Variants in GSTA5 observed in about 807,000 individuals in gnomAD.
GSTA5 encodes glutathione S-transferase alpha 5.
In GSTA5, 25 loss-of-function variants were observed where a neutral mutation model predicts 21.8. The observed-to-expected ratio is 1.14, with a 90% CI of 0.83 to 1.60. GSTA5 has a LOEUF of 1.60. Among genes scored for constraint, GSTA5 ranks in the 40% most tolerant of loss-of-function variants. The pLI, the probability that GSTA5 is intolerant of heterozygous loss-of-function variation, is 0.00. For missense variants in GSTA5, 330 were observed against 259.2 expected, an observed-to-expected ratio of 1.27 and a Z score of -1.88; for synonymous variants, 102 against 89.5, an observed-to-expected ratio of 1.14 and a Z score of -0.78.
At chr6:52,833,790 C>G (rs1161897381) in intron 4 of GSTA5, among the ~76,000 whole-genome samples, 1 of 152,162 alleles carries the variant, frequency 6.6e-6, no homozygotes, top group Non-Finnish European at 1.5e-5. Context: ...TCATCATGTT[C>G]TTCTTCCATC....
upstream of GSTA5, among the ~76,000 whole-genome samples, chr6:52,845,433 G>A (rs550142989): frequency 4.8e-4 from 73 of 152,230 alleles, no homozygotes; most frequent in Admixed American, 9.2e-4. Flanking sequence ...AGAGTGGGCC[G>A]GACAGATCTC....
chr6:52,836,801 C>T (rs1764300463), intron 2 of GSTA5, among the ~76,000 whole-genome samples: 1 of 152,236 alleles, frequency 6.6e-6, no homozygotes, highest in Non-Finnish European at 1.5e-5. Flanking sequence ...TGTGAGCCAC[C>T]ATACCCGGCC....
At chr6:52,833,061 C>G in intron 4 of GSTA5, 71 bp from the exon 5 acceptor site, 1 of 1,573,616 alleles carries the variant, frequency 6.4e-7, no homozygotes. Flanking sequence ...CTTTCAGAGC[C>G]TCTCCACCCT....
intron 5 of GSTA5, among the ~76,000 whole-genome samples, chr6:52,832,252 A>C (rs1015067764): frequency 2.6e-5 from 4 of 152,228 alleles, no homozygotes; most frequent in Admixed American, 2.6e-4. Flanking sequence ...CTTGTATAAG[A>C]CAAGAAAAAT....
intron 5 of GSTA5, 31 bp downstream of exon 5, chr6:52,832,828 G>A (rs1764235740): frequency 1.2e-6 from 2 of 1,613,126 alleles, no homozygotes; most frequent in Admixed American, 1.7e-5. Flanking sequence ...AGAGATGTGG[G>A]GCTGTCTCTC....
Position 52,836,909 on chromosome 6 carries a change from C to T in GSTA5, c.140-541G>A, listed in dbSNP as rs1179028422. Reference sequence around the variant, plus strand: ...TTACTTCATTTTTGTTTTTATTTCCCCTCCAGATACATAGCAGGACTCTTG... The same window carrying T: ...TTACTTCATTTTTGTTTTTATTTCCTCTCCAGATACATAGCAGGACTCTTG... On this transcript the variant is annotated intron_variant, in intron 2 of 5. Transcript: ENST00000370989. Among the ~76,000 whole-genome samples the T allele has an allele frequency of 3.3e-5, 5 of 152,024 alleles. No individual in the cohort carries two copies. In the South Asian group the frequency reaches 1.0e-3, roughly 32 times the overall value.
At position 52,834,023 on chromosome 6, in the gene GSTA5, C is replaced by T. The variant is rs144882956; in HGVS notation, c.414+118G>A. 8 of 1,094,616 alleles carry T rather than the reference C, an allele frequency of 7.3e-6. No individual in the cohort carries two copies. The African/African-American group carries it at 7.7e-5, about 11-fold the overall frequency. The allele number at this position is 1,094,616 out of a possible 1,614,324, so 67.8% of individuals were successfully genotyped here. ...GAGGCCTTGAGAGTCAGAGTGCTGC[C>T]TTGGTGTTCATGAAGTCTCACTGAA... On this transcript the variant is annotated intron_variant, in intron 4 of 5. Transcript: ENST00000370989.
At chr6:52,837,700 A>C in intron 1 of GSTA5, 91 bp from the exon 2 acceptor site, 1 of 902,784 alleles carries the variant, frequency 1.1e-6, no homozygotes, top group Non-Finnish European at 1.7e-6. Context: ...CATGATTTGG[A>C]GAATATAAGA....
rs539342791 is a variant in GSTA5 at position 52,836,792 on chromosome 6, G to A, written c.140-424C>T. On this transcript the variant is annotated intron_variant, in intron 2 of 5. Coordinates refer to ENST00000370989, the Ensembl canonical transcript of GSTA5. ...CTCTCGAAGAGCTGGGATTACAGGTGTGAGCCACCATACCCGGCCCAAACA... is the reference window on the plus strand; with the variant it reads ...CTCTCGAAGAGCTGGGATTACAGGTATGAGCCACCATACCCGGCCCAAACA... Among the ~76,000 whole-genome samples, 394 of 152,316 alleles carry A rather than the reference G, an allele frequency of 2.6e-3. 2 individuals are homozygous for A. The highest frequency in any genetic ancestry group is 9.2e-3 in the African/African-American group (381 of 41,576).
At chr6:52,834,327 G>A (rs1256277705) in intron 3 of GSTA5, 45 bp from the exon 4 acceptor site, 1 of 1,566,452 alleles carries the variant, frequency 6.4e-7, no homozygotes, top group South Asian at 1.2e-5. Context: ...TTTTGCCTTA[G>A]ATTTTATAGG....
At chr6:52,836,702 T>C (rs1472458160) in intron 2 of GSTA5, among the ~76,000 whole-genome samples, 3 of 152,142 alleles carry the variant, frequency 2.0e-5, no homozygotes, top group African/African-American at 7.2e-5. Context: ...AGTAGAGACG[T>C]GATCTCATCA....
intron 4 of GSTA5, among the ~76,000 whole-genome samples, chr6:52,833,838 C>G (rs562287945): frequency 2.0e-5 from 3 of 152,208 alleles, no homozygotes; most frequent in Non-Finnish European, 2.9e-5. Context: ...CAGCAACCTC[C>G]AGTGTGATCC....
At chr6:52,834,384 T>A in intron 3 of GSTA5, 102 bp from the exon 4 acceptor site, 1 of 1,145,978 alleles carries the variant, frequency 8.7e-7, no homozygotes. Context: ...GGCAAAGTAA[T>A]TCACCTCCAG....
upstream of GSTA5, among the ~76,000 whole-genome samples, chr6:52,843,751 G>T (rs1009493002): frequency 6.6e-6 from 1 of 152,182 alleles, no homozygotes; most frequent in Non-Finnish European, 1.5e-5. Flanking sequence ...ACAAAAGTGT[G>T]GGGCGCGGTT....
exon 6 of GSTA5, chr6:52,831,755 C>T (rs1484186157): frequency 6.9e-7 from 1 of 1,449,976 alleles, no homozygotes; most frequent in Non-Finnish European, 9.5e-7. Context: ...ATTAGCTTTA[C>T]AAGAGGCACA....
intron 1 of GSTA5, among the ~76,000 whole-genome samples, chr6:52,839,338 AACTCTTCC>A (rs1260322383): frequency 1.3e-5 from 2 of 152,014 alleles, no homozygotes; most frequent in Admixed American, 6.5e-5. Flanking sequence ...CCTCCTGCTG[AACTCTTCC>A]TACCCGGGCT....
At chr6:52,833,464 C>A (rs1240056271) in intron 4 of GSTA5, among the ~76,000 whole-genome samples, 1 of 152,194 alleles carries the variant, frequency 6.6e-6, no homozygotes, top group East Asian at 1.9e-4. Context: ...TGTCTGCCCT[C>A]CTCATTCCCT....
chr6:52,836,331 C>T lies in GSTA5; in HGVS notation c.177G>A (p.Glu59=), dbSNP rs200858662. 13 of 1,613,692 alleles carry T rather than the reference C, an allele frequency of 8.1e-6. No individual in the cohort carries two copies. The Admixed American group carries it at 2.2e-4, about 27-fold the overall frequency. Reference sequence around the variant, plus strand: ...TCTGCACCAGCTTCATCCCGTCAATCTCAACCATTGGTACTTGCTGGAACA... The same window carrying T: ...TCTGCACCAGCTTCATCCCGTCAATTTCAACCATTGGTACTTGCTGGAACA... The change falls in exon 3 of 6, where the codon GAG becomes GAA. Residue 59 remains glutamate, a synonymous_variant. Coordinates refer to ENST00000370989, the Ensembl canonical transcript of GSTA5.
chr6:52,838,893 T>A (rs1233052975), intron 1 of GSTA5, among the ~76,000 whole-genome samples: 2 of 152,240 alleles, frequency 1.3e-5, no homozygotes, highest in African/African-American at 4.8e-5. Context: ...AAATGCATGA[T>A]ACAGGGCCTG....
Sources: gnomAD v4.1 joint callset for allele counts (sites outside exome capture counted in the v4.1 genomes callset) on GRCh38, gnomAD v4.1.1 for gene constraint, MANE v1.5 for transcripts, NCBI Gene and HGNC (gene_info 2026-07-23, HGNC 2026-07-21) for gene names.